Variants in SGCZ observed in about 807,000 individuals in gnomAD.
SGCZ encodes the protein zeta-sarcoglycan.
SGCZ carries 40 observed loss-of-function variants against 41.3 expected under a neutral mutation model. That is an observed-to-expected ratio of 0.97 (90% CI 0.75 to 1.26). SGCZ has a LOEUF of 1.26. Among genes scored for constraint, SGCZ ranks in the 50% most tolerant of loss-of-function variants. SGCZ has a pLI of 0.00. For missense variants in SGCZ, 552 were observed against 369.8 expected (o/e 1.49, Z -4.04); for synonymous variants, 206 against 137.5 (o/e 1.50, Z -3.49).
At chr8:14,715,582 G>C (rs954010840) in intron 1 of SGCZ, among the ~76,000 whole-genome samples, 1 of 149,648 alleles carries the variant, frequency 6.7e-6, no homozygotes, top group Non-Finnish European at 1.5e-5. Context: ...ATAAAAACAG[G>C]ATTCTGTAGA....
chr8:14,935,361 C>T (rs1800050901), intron 1 of SGCZ, among the ~76,000 whole-genome samples: 1 of 151,598 alleles, frequency 6.6e-6, no homozygotes, highest in South Asian at 2.1e-4. Context: ...GTAAGTCTTT[C>T]ATAGTGTGAT....
At chr8:14,955,399 T>A (rs1300722132) in intron 1 of SGCZ, among the ~76,000 whole-genome samples, 1 of 152,226 alleles carries the variant, frequency 6.6e-6, no homozygotes, top group Non-Finnish European at 1.5e-5. Flanking sequence ...CAATGTACTT[T>A]AAGCATTGTT....
chr8:14,368,816 C>A (rs1384403605), intron 2 of SGCZ, among the ~76,000 whole-genome samples: 2 of 152,086 alleles, frequency 1.3e-5, no homozygotes, highest in Admixed American at 1.3e-4. Context: ...CAAAAAACAT[C>A]TGGTATACAA....
At chr8:14,959,051 T>A (rs891422435) in intron 1 of SGCZ, among the ~76,000 whole-genome samples, 1 of 152,118 alleles carries the variant, frequency 6.6e-6, no homozygotes. Context: ...CCTTATGGCA[T>A]ACAAACACTA....
intron 1 of SGCZ, among the ~76,000 whole-genome samples, chr8:14,565,087 G>C (rs1354501633): frequency 6.6e-6 from 1 of 152,016 alleles, no homozygotes; most frequent in African/African-American, 2.4e-5. Context: ...TCTTGAGACA[G>C]GAAATAGATG....
chr8:14,275,219 G>C (rs909589845), intron 3 of SGCZ, among the ~76,000 whole-genome samples: 1 of 152,104 alleles, frequency 6.6e-6, no homozygotes, highest in Non-Finnish European at 1.5e-5. Flanking sequence ...GTATGGAAAC[G>C]AAATGTAAAC....
At chr8:14,408,476 C>T (rs958080445) in intron 2 of SGCZ, among the ~76,000 whole-genome samples, 2 of 152,148 alleles carry the variant, frequency 1.3e-5, no homozygotes, top group Admixed American at 1.3e-4. Flanking sequence ...CCCCTGCCCT[C>T]CATTTACCCA....
At chr8:14,198,626 T>A (rs1031704226) in intron 4 of SGCZ, among the ~76,000 whole-genome samples, 1 of 151,986 alleles carries the variant, frequency 6.6e-6, no homozygotes, top group Non-Finnish European at 1.5e-5. Flanking sequence ...AAAGAACTGA[T>A]CTTTTTAAAT....
chr8:14,243,104 C>G (rs1170619511), intron 3 of SGCZ, among the ~76,000 whole-genome samples: 1 of 152,204 alleles, frequency 6.6e-6, no homozygotes, highest in South Asian at 2.1e-4. Flanking sequence ...AAACTGTCAT[C>G]TGCCTACACA....
chr8:14,272,348 G>T (rs1273681970), intron 3 of SGCZ, among the ~76,000 whole-genome samples: 2 of 152,088 alleles, frequency 1.3e-5, no homozygotes, highest in African/African-American at 4.8e-5. Flanking sequence ...TTCCATACAG[G>T]GTGACTATAT....
chr8:14,464,713 T>C (rs1801000154), intron 2 of SGCZ, among the ~76,000 whole-genome samples: 1 of 151,596 alleles, frequency 6.6e-6, no homozygotes, highest in African/African-American at 2.4e-5. Context: ...ATATTTTGTC[T>C]TTTAAACATT....
intron 3 of SGCZ, among the ~76,000 whole-genome samples, chr8:14,243,706 T>A (rs34833255): frequency 6.6e-6 from 1 of 152,134 alleles, no homozygotes; most frequent in Non-Finnish European, 1.5e-5. Flanking sequence ...GAAATTCTTA[T>A]CCATGTCTCT....
At chr8:14,361,941 T>G (rs976535344) in intron 2 of SGCZ, among the ~76,000 whole-genome samples, 1 of 152,210 alleles carries the variant, frequency 6.6e-6, no homozygotes. Flanking sequence ...GACAGGCCCC[T>G]CAGCTGCAGG....
chr8:14,787,846 C>CA (rs1275166540), intron 1 of SGCZ, among the ~76,000 whole-genome samples: 148 of 143,474 alleles, frequency 1.0e-3, no homozygotes, highest in Middle Eastern at 7.1e-3. Flanking sequence ...AACTCCATTT[C>CA]AAAAAAAAAA....
At chr8:14,431,952 G>T (rs554800895) in intron 2 of SGCZ, among the ~76,000 whole-genome samples, 31 of 152,122 alleles carry the variant, frequency 2.0e-4, no homozygotes, top group African/African-American at 7.2e-4. Flanking sequence ...TAATGATCTG[G>T]GAAATGCAAA....
At chr8:15,019,136 C>T (rs1803154404) in intron 1 of SGCZ, among the ~76,000 whole-genome samples, 1 of 152,176 alleles carries the variant, frequency 6.6e-6, no homozygotes, top group South Asian at 2.1e-4. Context: ...AAGATTACAA[C>T]TGGATGAGAT....
intron 7 of SGCZ, among the ~76,000 whole-genome samples, chr8:14,099,133 T>A (rs1329893468): frequency 6.6e-6 from 1 of 152,304 alleles, no homozygotes; most frequent in East Asian, 1.9e-4. Flanking sequence ...GGCTGCTATA[T>A]ATTGATTCTT....
chr8:14,919,267 C>T lies in SGCZ; in HGVS notation c.39+318318G>A, dbSNP rs180739441. Among the ~76,000 whole-genome samples, 611 of 151,946 alleles carry T rather than the reference C, an allele frequency of 4.0e-3. 4 individuals carry two copies. Among genetic ancestry groups the T allele is most frequent in the South Asian group, 0.018 (86 of 4,804 alleles). On this transcript the variant is annotated intron_variant, in intron 1 of 7. Coordinates refer to ENST00000382080, the MANE Select transcript of SGCZ (RefSeq NM_139167.4). ...CAGCCTGGGTAACATGGTGAAATCCCCTCTCTACTAAAATACAAAAGAAAT... is the reference window on the plus strand; with the variant it reads ...CAGCCTGGGTAACATGGTGAAATCCTCTCTCTACTAAAATACAAAAGAAAT...
chr8:14,764,106 T>C (rs1190917288), intron 1 of SGCZ, among the ~76,000 whole-genome samples: 1 of 152,152 alleles, frequency 6.6e-6, no homozygotes, highest in East Asian at 1.9e-4. Context: ...GCTTCAAGAC[T>C]AATGGGAACA....
Sources: gnomAD v4.1 joint callset for allele counts (sites outside exome capture counted in the v4.1 genomes callset) on GRCh38, gnomAD v4.1.1 for gene constraint, MANE v1.5 for transcripts, NCBI Gene and HGNC (gene_info 2026-07-23, HGNC 2026-07-21) for gene names.